The following CENPH variants were observed in gnomAD, a reference collection of about 807,000 sequenced individuals.
CENPH encodes the protein centromere protein H, also known as CENP-H.
A neutral mutation model predicts 42.9 loss-of-function variants in CENPH; 40 were observed. The ratio of observed to expected loss-of-function variants is 0.93; its 90% confidence interval spans 0.72 to 1.21. The LOEUF (loss-of-function observed/expected upper bound fraction) is 1.21, where lower values mean the gene tolerates loss of function less well. Among genes scored for constraint, CENPH ranks in the 50% most tolerant of loss-of-function variants. The pLI is 0.00. For synonymous variants in CENPH, 88 were observed against 96.5 expected, an observed-to-expected ratio of 0.91 and a Z score of 0.52; for missense variants, 302 against 292.9, an observed-to-expected ratio of 1.03 and a Z score of -0.23.
intron 5 of CENPH, among the ~76,000 whole-genome samples, chr5:69,198,046 G>C (rs1193217700): frequency 6.8e-6 from 1 of 147,396 alleles, no homozygotes; most frequent in Admixed American, 6.9e-5. Context: ...TCAGCCTCCC[G>C]AGCAGCTGGG....
chr5:69,197,407 CTA>C (rs1441162288), intron 5 of CENPH: 3 of 243,316 alleles, frequency 1.2e-5, no homozygotes, highest in Non-Finnish European at 2.3e-5. Flanking sequence ...AGGAACAGGG[CTA>C]TCTCATTTAA....
rs113792450 is a variant in CENPH at position 69,189,739 on chromosome 5, C to T, written c.105C>T (p.Cys35=). The change falls in exon 1 of 9, where the codon TGC becomes TGT. Residue 35 remains cysteine, a synonymous_variant. Coordinates refer to ENST00000283006, the MANE Select transcript of CENPH (RefSeq NM_022909.4). The part of the protein sequence containing the change: ...PPQVAGAQAA[C]SEDRMTLLLR... ...AGGTCGCCGGCGCCCAGGCGGCGTG[C>T]AGCGAGGACCGCATGACCCTGCTCC... 58 of 1,546,264 alleles carry T rather than the reference C, an allele frequency of 3.8e-5. 1 individual carries two copies. In the African/African-American group the frequency reaches 5.3e-4, roughly 14 times the overall value.
At chr5:69,198,657 G>C (rs1212038816) in intron 5 of CENPH, among the ~76,000 whole-genome samples, 1 of 152,172 alleles carries the variant, frequency 6.6e-6, no homozygotes, top group Non-Finnish European at 1.5e-5. Flanking sequence ...TTTAGCTTGG[G>C]TACAGAGGCT....
intron 2 of CENPH, among the ~76,000 whole-genome samples, chr5:69,193,177 G>A (rs776217193): frequency 3.7e-4 from 55 of 148,418 alleles, no homozygotes; most frequent in Non-Finnish European, 6.3e-4. Context: ...ATATATGTGT[G>A]TGTATGTGTA....
At chr5:69,204,745 C>T (rs1233008527) in intron 7 of CENPH, among the ~76,000 whole-genome samples, 2 of 150,660 alleles carry the variant, frequency 1.3e-5, no homozygotes, top group Non-Finnish European at 3.0e-5. Flanking sequence ...GCTGGGATTA[C>T]ATGCGCCAAC....
intron 1 of CENPH, among the ~76,000 whole-genome samples, chr5:69,190,569 A>G (rs1488944774): frequency 1.3e-5 from 2 of 152,212 alleles, no homozygotes; most frequent in Non-Finnish European, 2.9e-5. Flanking sequence ...CTATATCATA[A>G]CAGAGGTAGT....
intron 2 of CENPH, among the ~76,000 whole-genome samples, chr5:69,192,345 A>G (rs1293855725): frequency 6.6e-6 from 1 of 152,184 alleles, no homozygotes; most frequent in Non-Finnish European, 1.5e-5. Flanking sequence ...AAGAAAGTTT[A>G]CGTTCCAATA....
intron 4 of CENPH, 48 bp from the exon 5 acceptor site, chr5:69,197,005 C>A: frequency 1.6e-6 from 2 of 1,234,236 alleles, no homozygotes; most frequent in Non-Finnish European, 2.2e-6. Context: ...TTTAATGTAC[C>A]ACAAATGTTA....
intron 7 of CENPH, among the ~76,000 whole-genome samples, chr5:69,205,316 C>T (rs940975384): frequency 1.3e-5 from 2 of 152,100 alleles, no homozygotes; most frequent in East Asian, 1.9e-4. Context: ...CAACCTCTGT[C>T]TCCTGGATTC....
intron 5 of CENPH, among the ~76,000 whole-genome samples, chr5:69,199,109 G>T (rs1748014622): frequency 6.6e-6 from 1 of 152,182 alleles, no homozygotes; most frequent in Non-Finnish European, 1.5e-5. Context: ...AGAAGGCTTT[G>T]AGTACTGTAG....
chr5:69,197,283 T>C, intron 5 of CENPH, 174 bp downstream of exon 5: 1 of 445,366 alleles, frequency 2.2e-6, no homozygotes. Context: ...GTTCTAATTA[T>C]ATTTTGTTCC....
chr5:69,202,845 C>G (rs899118418), intron 6 of CENPH, 74 bp from the exon 7 acceptor site: 3 of 911,008 alleles, frequency 3.3e-6, no homozygotes, highest in Admixed American at 5.1e-5. Flanking sequence ...AGTAGATAAA[C>G]TCAGTGATTT....
chr5:69,189,710 C>A lies in CENPH; in HGVS notation c.76C>A (p.Pro26Thr). Residue 26 changes from proline to threonine, a missense_variant, in exon 1 of 9, where the codon CCG becomes ACG. Coordinates refer to ENST00000283006, the MANE Select transcript of CENPH (RefSeq NM_022909.4). ...AGGGGAAGGCCGGGCAGGCGGGCCA[C>A]CGCAGGTCGCCGGCGCCCAGGCGGC... ...SGGEGRAGGP[P>T]QVAGAQAACS... 1 of 1,565,654 alleles carries A rather than the reference C, an allele frequency of 6.4e-7. No individual in the cohort carries two copies. Among genetic ancestry groups the A allele is most frequent in the East Asian group, 2.3e-5 (1 of 42,688 alleles).
chr5:69,197,218 A>G, intron 5 of CENPH, 109 bp downstream of exon 5: 2 of 578,074 alleles, frequency 3.5e-6, no homozygotes, highest in Non-Finnish European at 5.6e-6. Context: ...TCTGGGGAAT[A>G]AGGAAAGTGA....
In CENPH at chr5:69,194,937, A is replaced by T. The variant is rs535489539; in HGVS notation, c.239+242A>T. The stretch of plus-strand genomic sequence containing the variant: ...TTCTTTCTTTTTTTTTTTTTTTTTT[A>T]AATATTTTAGGGCCAGGCACGGTGA... On this transcript the variant is annotated intron_variant, in intron 3 of 8. Coordinates refer to ENST00000283006, the MANE Select transcript of CENPH (RefSeq NM_022909.4). Among the ~76,000 whole-genome samples, 446 of 140,808 alleles carry T rather than the reference A, an allele frequency of 3.2e-3. 5 individuals carry two copies. The highest frequency in any genetic ancestry group is 0.011 in the South Asian group (48 of 4,374). The allele number at this position is 140,808 out of a possible 152,430, so 92.4% of individuals were successfully genotyped here. A position where few individuals can be genotyped will look rare whatever the true frequency, so the allele number is the denominator to read the frequency against.
At chr5:69,191,625 A>G (rs994344179) in intron 1 of CENPH, among the ~76,000 whole-genome samples, 170 bp from the exon 2 acceptor site, 4 of 152,224 alleles carry the variant, frequency 2.6e-5, no homozygotes, top group African/African-American at 7.2e-5. Flanking sequence ...CTTTATACCC[A>G]TTTTAAATAA....
rs1172131411 is a variant in CENPH, at chr5:69,208,242, A to G, written c.534A>G (p.Glu178=). The change falls in exon 8 of 9, where the codon GAA becomes GAG. Residue 178 remains glutamate, a synonymous_variant. Coordinates refer to ENST00000283006, the MANE Select transcript of CENPH (RefSeq NM_022909.4). ...SESKLLEIQT[E]KNKQKIDLDS... Reference sequence around the variant, plus strand: ...GTAAGCTTTTAGAAATACAGACTGAAAAGAACAAACAGAAGATTGATTTGG... The same window carrying G: ...GTAAGCTTTTAGAAATACAGACTGAGAAGAACAAACAGAAGATTGATTTGG... The G allele has an allele frequency of 6.3e-7, 1 of 1,593,140 alleles. No homozygotes were observed.
intron 7 of CENPH, 89 bp downstream of exon 7, chr5:69,203,059 CTAATTTCCGACTTCCAAAATTCCT>C (rs1216109621): frequency 6.8e-6 from 6 of 883,310 alleles, no homozygotes; most frequent in African/African-American, 1.8e-5. Flanking sequence ...GAGAAATTTC[CTAATTTCCGACTTCCAAAATTCCT>C]TAAAATTTTT....
In CENPH at chr5:69,197,076, A is replaced by G; in HGVS notation, c.338A>G (p.Lys113Arg). The change falls in exon 5 of 9, where the codon AAA becomes AGA. Residue 113 changes from lysine (K) to arginine (R), a missense_variant. Transcript: ENST00000283006. ...LDRMRLSTAL[K>R]KNLEKISRQS... ...AGGATGAGACTTTCAACTGCACTTA[A>G]AAAAAACCTGGAGAAAATTAGCAGA... is the stretch of plus-strand genomic sequence containing the variant. 6.3e-7 allele frequency: 1 copy of G among 1,581,546 alleles called. No homozygotes were observed. Among genetic ancestry groups the G allele is most frequent in the Non-Finnish European group, 8.5e-7 (1 of 1,170,372 alleles).
Sources: gnomAD v4.1 joint callset for allele counts (sites outside exome capture counted in the v4.1 genomes callset) on GRCh38, gnomAD v4.1.1 for gene constraint, MANE v1.5 for transcripts, NCBI Gene and HGNC (gene_info 2026-07-23, HGNC 2026-07-21) for gene names.